ACER3: variants seen among roughly 807,000 people sequenced by gnomAD.
The protein encoded by ACER3 is alkCDase 3.
Under a neutral mutation model 48.9 loss-of-function variants are expected in ACER3, and 16 were observed. The observed-to-expected ratio is 0.33, with a 90% CI of 0.22 to 0.50. The LOEUF (loss-of-function observed/expected upper bound fraction) is 0.50, where lower values mean the gene tolerates loss of function less well. Ranked by LOEUF, ACER3 falls within the 20% of genes least tolerant of loss-of-function variation. The probability of loss-of-function intolerance (pLI) is 0.98; values close to 1 mark genes in which losing one functional copy is unlikely to be tolerated. For synonymous variants in ACER3, 109 were observed against 107.8 expected, an observed-to-expected ratio of 1.01 and a Z score of -0.07; for missense variants, 227 against 326.0, an observed-to-expected ratio of 0.70 and a Z score of 2.34.
rs554045065 is a variant in ACER3, at chr11:76,984,898, A to G, written c.321-745A>G. Among the ~76,000 whole-genome samples, 6 of 152,282 alleles carry G rather than the reference A, an allele frequency of 3.9e-5. No homozygotes were observed. In the South Asian group the frequency reaches 1.2e-3, roughly 32 times the overall value. On this transcript the variant is annotated intron_variant, in intron 4 of 10. Transcript: ENST00000532485. Reference sequence around the variant, plus strand: ...CTTATTTATTGTAAGGATGTGAGGAAATTATGTGGAACCCAATAGCAGGAA... The same window carrying G: ...CTTATTTATTGTAAGGATGTGAGGAGATTATGTGGAACCCAATAGCAGGAA...
chr11:76,993,564 G>C (rs1948846266), intron 6 of ACER3, among the ~76,000 whole-genome samples: 1 of 152,216 alleles, frequency 6.6e-6, no homozygotes, highest in African/African-American at 2.4e-5. Flanking sequence ...GGGGCTTCAG[G>C]AGAGTCTTGA....
intron 2 of ACER3, among the ~76,000 whole-genome samples, chr11:76,937,789 T>C (rs1229171207): frequency 2.0e-5 from 3 of 152,210 alleles, no homozygotes; most frequent in Non-Finnish European, 4.4e-5. Context: ...TTCAAAAGTA[T>C]GTTATTATTT....
At chr11:76,893,434 C>A (rs79130074) in intron 1 of ACER3, among the ~76,000 whole-genome samples, 2 of 152,152 alleles carry the variant, frequency 1.3e-5, no homozygotes, top group African/African-American at 4.8e-5. Context: ...TGAATCATGA[C>A]TTTGCCATTT....
intron 7 of ACER3, among the ~76,000 whole-genome samples, chr11:77,003,492 T>C (rs1275034485): frequency 2.0e-5 from 3 of 152,218 alleles, no homozygotes; most frequent in South Asian, 2.1e-4. Context: ...TCAAATTTTA[T>C]TGATCTTTTT....
At chr11:76,967,019 G>T (rs994399550) in intron 3 of ACER3, among the ~76,000 whole-genome samples, 17 of 152,304 alleles carry the variant, frequency 1.1e-4, no homozygotes, top group African/African-American at 4.1e-4. Context: ...GAATCCAGGA[G>T]CTGGTTTTTT....
chr11:77,019,887 G>A, intron 10 of ACER3, 111 bp downstream of exon 10: 2 of 1,093,352 alleles, frequency 1.8e-6, no homozygotes, highest in Non-Finnish European at 2.8e-6. Context: ...GCAAACACAG[G>A]CTTTGGAACC....
chr11:77,020,676 G>T lies in ACER3; in HGVS notation c.*349G>T, dbSNP rs1193449105. 4.8e-6 allele frequency: 1 copy of T among 209,352 alleles called. No individual in the cohort carries two copies. Among genetic ancestry groups the T allele is most frequent in the Non-Finnish European group, 9.6e-6 (1 of 104,692 alleles). The allele number at this position is 209,352 out of a possible 1,614,324, so 13.0% of individuals were successfully genotyped here. A position where few individuals can be genotyped will look rare whatever the true frequency, so the allele number is the denominator to read the frequency against. ...TAACCTTCTTTTCTTTTTGCCAAGG[G>T]TTGCATGTGAATTATACCTTTCTTA... On this transcript the variant is annotated 3_prime_UTR_variant, in exon 11 of 11. Coordinates refer to ENST00000532485, the MANE Select transcript of ACER3 (RefSeq NM_018367.7).
Position 77,015,061 on chromosome 11 carries a change from AT to A in ACER3, c.548del (p.Leu183TyrfsTer9). ...RGLGYTSLGI[F>X]LLGFLFWNID... Reference sequence around the variant, plus strand: ...GACTGGGTTATACATCATTGGGTATATTTTTATTGGGATTTTTATTTTGGAA... The same window carrying A: ...GACTGGGTTATACATCATTGGGTATATTTTATTGGGATTTTTATTTTGGAA... On this transcript the variant is annotated frameshift_variant, in exon 8 of 11. Transcript: ENST00000532485. LOFTEE classifies it high-confidence loss of function. The A allele has an allele frequency of 6.2e-7, 1 of 1,601,282 alleles. No homozygotes were observed. The highest frequency in any genetic ancestry group is 8.6e-7 in the Non-Finnish European group (1 of 1,168,620).
intron 7 of ACER3, among the ~76,000 whole-genome samples, chr11:77,004,742 G>C (rs1484733636): frequency 6.6e-6 from 1 of 151,994 alleles, no homozygotes; most frequent in Non-Finnish European, 1.5e-5. Context: ...GCATAGCATT[G>C]TTTCGATTAA....
At chr11:76,893,519 G>A (rs1480532603) in intron 1 of ACER3, among the ~76,000 whole-genome samples, 1 of 152,042 alleles carries the variant, frequency 6.6e-6, no homozygotes, top group Non-Finnish European at 1.5e-5. Flanking sequence ...CTGTCAAATT[G>A]GATTGAAAAT....
chr11:76,880,529 G>A (rs1479964365), intron 1 of ACER3, among the ~76,000 whole-genome samples: 4 of 152,136 alleles, frequency 2.6e-5, no homozygotes, highest in Non-Finnish European at 4.4e-5. Flanking sequence ...CATGCCAGTC[G>A]GAAGCCCCAT....
At chr11:76,936,353 A>C (rs945024297) in intron 2 of ACER3, among the ~76,000 whole-genome samples, 1 of 152,220 alleles carries the variant, frequency 6.6e-6, no homozygotes, top group Non-Finnish European at 1.5e-5. Flanking sequence ...GATGCTGAGG[A>C]AAAGAATTGG....
At chr11:76,941,983 A>T (rs188292489) in intron 2 of ACER3, among the ~76,000 whole-genome samples, 254 of 152,188 alleles carry the variant, frequency 1.7e-3, no homozygotes, top group African/African-American at 5.8e-3. Flanking sequence ...TTGTTGGTTT[A>T]TAGAAATACT....
chr11:76,986,167 T>C (rs1948682115), intron 5 of ACER3, among the ~76,000 whole-genome samples: 3 of 152,356 alleles, frequency 2.0e-5, no homozygotes, highest in Admixed American at 6.5e-5. Flanking sequence ...TTGCATTTTA[T>C]ATTATGAAAA....
rs1158061506 is a variant in ACER3 at position 77,011,277 on chromosome 11, C to T, written c.498-3739C>T. The T allele has an allele frequency of 9.4e-6, 9 of 961,518 alleles. No individual in the cohort carries two copies. In the African/African-American group the frequency reaches 1.6e-4, roughly 17 times the overall value. 59.6% of individuals were successfully genotyped at this position (961,518 alleles called of 1,614,324 possible). ...GACCATGTGCTGATGTTCTTGCTCT[C>T]CCCTTCCCGCCCTGCTACCTGGATA... On this transcript the variant is annotated intron_variant, in intron 7 of 10. Transcript: ENST00000532485.
chr11:77,005,805 G>T (rs953698687), intron 7 of ACER3, among the ~76,000 whole-genome samples: 1 of 151,210 alleles, frequency 6.6e-6, no homozygotes, highest in Non-Finnish European at 1.5e-5. Flanking sequence ...AATTATATCT[G>T]CAAGGACTTT....
At chr11:76,930,131 G>A (rs190987169) in intron 2 of ACER3, among the ~76,000 whole-genome samples, 7 of 151,584 alleles carry the variant, frequency 4.6e-5, no homozygotes, top group East Asian at 1.9e-4. Context: ...CTATTATTGC[G>A]TCAATTTCAG....
chr11:76,921,062 A>C (rs781364629), intron 1 of ACER3, among the ~76,000 whole-genome samples: 1 of 152,228 alleles, frequency 6.6e-6, no homozygotes, highest in Non-Finnish European at 1.5e-5. Context: ...TTACAAAGCA[A>C]TTACATATCT....
chr11:76,965,862 T>C (rs1948123229), intron 3 of ACER3, among the ~76,000 whole-genome samples: 1 of 151,184 alleles, frequency 6.6e-6, no homozygotes. Flanking sequence ...ACATGCCAAA[T>C]TGTAAAGACC....
Sources: allele counts gnomAD v4.1 joint callset (sites outside exome capture counted in the v4.1 genomes callset), GRCh38; gene constraint gnomAD v4.1.1; transcripts MANE v1.5; gene names NCBI Gene and HGNC (gene_info 2026-07-23, HGNC 2026-07-21).